GAL3ST2: variants seen among roughly 807,000 people sequenced by gnomAD.
GAL3ST2 encodes the protein galactose-3-O-sulfotransferase 2, also known as beta-galactose-3-O-sulfotransferase 2.
Under a neutral mutation model 12.9 loss-of-function variants are expected in GAL3ST2, and 16 were observed. The observed-to-expected ratio is 1.24, with a 90% confidence interval of 0.84 to 1.88. The LOEUF (loss-of-function observed/expected upper bound fraction) is 1.88. Ranked by LOEUF, GAL3ST2 falls within the 40% of genes most tolerant of loss-of-function variation. GAL3ST2 has a pLI of 0.00. For synonymous variants in GAL3ST2, 302 were observed against 273.9 expected (o/e 1.10, Z -1.01); for missense variants, 639 against 571.8 (o/e 1.12, Z -1.20).
chr2:241,783,992 T>A (rs1327892187), intron 1 of GAL3ST2, among the ~76,000 whole-genome samples: 1 of 152,188 alleles, frequency 6.6e-6, no homozygotes, highest in Middle Eastern at 3.2e-3. Flanking sequence ...TCTTACTAAA[T>A]TCAAGCTGTA....
At chr2:241,783,636 T>C (rs1299818415) in intron 1 of GAL3ST2, among the ~76,000 whole-genome samples, 1 of 152,260 alleles carries the variant, frequency 6.6e-6, no homozygotes, top group Non-Finnish European at 1.5e-5. Context: ...AATTATGACG[T>C]TTGTCTGCAA....
chr2:241,803,381 T>G lies in GAL3ST2; in HGVS notation c.412T>G (p.Ser138Ala). 6.2e-7 allele frequency: 1 copy of G among 1,610,760 alleles called. No homozygotes were observed. Among genetic ancestry groups the G allele is most frequent in the Non-Finnish European group, 8.5e-7 (1 of 1,177,952 alleles). ...KVMPNDTFYF[S>A]ILRNPVFQLE... ...CATGCCCAACGACACCTTCTACTTC[T>G]CCATCCTGAGGAACCCCGTGTTCCA... Residue 138 changes from serine (S) to alanine (A), a missense_variant, in exon 4 of 4, where the codon TCC (serine) becomes GCC (alanine). Coordinates refer to ENST00000192314, the MANE Select transcript of GAL3ST2 (RefSeq NM_022134.3).
intron 1 of GAL3ST2, among the ~76,000 whole-genome samples, chr2:241,794,092 C>G (rs764721030): frequency 6.9e-4 from 105 of 151,984 alleles, no homozygotes; most frequent in Admixed American, 1.2e-3. Context: ...GACCACAGTC[C>G]GGAGCCATCA....
At chr2:241,797,443 T>C (rs1699786326) in intron 1 of GAL3ST2, among the ~76,000 whole-genome samples, 1 of 152,266 alleles carries the variant, frequency 6.6e-6, no homozygotes, top group Non-Finnish European at 1.5e-5. Flanking sequence ...AATTCTCTTC[T>C]TCGGGATTAT....
chr2:241,789,545 A>G (rs1699671632), intron 1 of GAL3ST2, among the ~76,000 whole-genome samples: 1 of 152,240 alleles, frequency 6.6e-6, no homozygotes, highest in African/African-American at 2.4e-5. Context: ...AAGAATTTGA[A>G]AGTCTAAGAT....
At position 241,799,107 on chromosome 2, in the gene GAL3ST2, G is replaced by C. The variant is rs779519669; in HGVS notation, c.72G>C (p.Leu24=). The part of the protein sequence containing the change: ...VILLLLLALT[L]LLLAGFLHSD... Reference sequence around the variant, plus strand: ...TCCTCCTCCTCCTGGCCCTGACTCTGCTCCTGCTGGCCGGATTCCTGCACT... The same window carrying C: ...TCCTCCTCCTCCTGGCCCTGACTCTCCTCCTGCTGGCCGGATTCCTGCACT... The change falls in exon 2 of 4, where the codon CTG becomes CTC. Residue 24 remains leucine, a synonymous_variant. Coordinates refer to ENST00000192314, the MANE Select transcript of GAL3ST2 (RefSeq NM_022134.3). 1 of 1,613,638 alleles carries C rather than the reference G, an allele frequency of 6.2e-7. No individual in the cohort carries two copies. The highest frequency in any genetic ancestry group is 2.2e-5 in the East Asian group (1 of 44,890).
In GAL3ST2 at chr2:241,804,139, C is replaced by G; in HGVS notation, c.1170C>G (p.Leu390=). The part of the protein sequence containing the change: ...LYALQFPEKP[L]KNIPFLGA Reference sequence around the variant, plus strand: ...CCCTGCAGTTCCCGGAGAAGCCCCTCAAGAACATCCCGTTCCTGGGGGCGT... The same window carrying G: ...CCCTGCAGTTCCCGGAGAAGCCCCTGAAGAACATCCCGTTCCTGGGGGCGT... The change falls in exon 4 of 4, where the codon CTC becomes CTG. Residue 390 remains leucine (L), a synonymous_variant. Transcript: ENST00000192314. 1 of 1,470,580 alleles carries G rather than the reference C, an allele frequency of 6.8e-7. No individual in the cohort carries two copies. The highest frequency in any genetic ancestry group is 1.3e-5 in the South Asian group (1 of 74,890). The allele number at this position is 1,470,580 out of a possible 1,614,324, so 91.1% of individuals were successfully genotyped here.
rs1335109132 is a variant in GAL3ST2, at chr2:241,802,217, G to A, written c.375+181G>A. ...TGAGCCAACCCCTGCCCCTCCAGGC[G>A]GCCAGTCGCCTGCCGTTGCTCTTGG... is the stretch of plus-strand genomic sequence containing the variant. On this transcript the variant is annotated intron_variant, in intron 3 of 3. Coordinates refer to ENST00000192314, the MANE Select transcript of GAL3ST2 (RefSeq NM_022134.3). This position sits in a 1 kb window ranked among gnomAD's most constrained non-coding sequence, Gnocchi z 4.8. Among the ~76,000 whole-genome samples, 2 of 152,158 alleles carry A rather than the reference G, an allele frequency of 1.3e-5. No individual in the cohort carries two copies. Among genetic ancestry groups the A allele is most frequent in the Admixed American group, 6.5e-5 (1 of 15,280 alleles).
intron 1 of GAL3ST2, among the ~76,000 whole-genome samples, chr2:241,790,796 G>A (rs1699685668): frequency 6.6e-6 from 1 of 152,148 alleles, no homozygotes; most frequent in Non-Finnish European, 1.5e-5. Context: ...TTAAGAGCCA[G>A]GCACCCTTTT....
chr2:241,781,452 C>G (rs929062804), intron 1 of GAL3ST2, among the ~76,000 whole-genome samples: 1 of 152,058 alleles, frequency 6.6e-6, no homozygotes, highest in African/African-American at 2.4e-5. Context: ...GATTATAAAA[C>G]CACCGTAAAG....
In GAL3ST2 at chr2:241,778,889, T is replaced by G. The variant is rs13411441; in HGVS notation, c.29+1905T>G. ...GGCAGGTAAGAGACAAATGGTTGCA[T>G]TCTTTTGAGTTTCTGATGAGCCTCT... On this transcript the variant is annotated intron_variant, in intron 1 of 3. Coordinates refer to ENST00000192314, the MANE Select transcript of GAL3ST2 (RefSeq NM_022134.3). Among the ~76,000 whole-genome samples, 601 of 152,142 alleles carry G rather than the reference T, an allele frequency of 4.0e-3. 4 individuals are homozygous for G. The highest frequency in any genetic ancestry group is 0.013 in the African/African-American group (559 of 41,486).
rs1699723030 is a variant in GAL3ST2 at position 241,793,383 on chromosome 2, T to C, written c.30-5682T>C. 6.6e-6 allele frequency among the ~76,000 whole-genome samples: 1 copy of C among 151,896 alleles called. No homozygotes were observed. The highest frequency in any genetic ancestry group is 2.4e-5 in the African/African-American group (1 of 41,352). ...ATTGTGTGTGTATGTATGTATTGTG[T>C]ATGCATGTGTGTGTATATGTATGTA... is the stretch of plus-strand genomic sequence containing the variant. On this transcript the variant is annotated intron_variant, in intron 1 of 3. Coordinates refer to ENST00000192314, the MANE Select transcript of GAL3ST2 (RefSeq NM_022134.3). This position sits in a 1 kb window ranked among gnomAD's most constrained non-coding sequence, Gnocchi z 4.7.
At chr2:241,797,835 G>T (rs531093744) in intron 1 of GAL3ST2, among the ~76,000 whole-genome samples, 1 of 152,336 alleles carries the variant, frequency 6.6e-6, no homozygotes, top group East Asian at 1.9e-4. Context: ...CCACTGGCTT[G>T]TTGTGCTCCT....
At position 241,801,714 on chromosome 2, in the gene GAL3ST2, G is replaced by T; in HGVS notation, c.120-67G>T. 1 of 1,554,622 alleles carries T rather than the reference G, an allele frequency of 6.4e-7. No individual in the cohort carries two copies. The highest frequency in any genetic ancestry group is 8.7e-7 in the Non-Finnish European group (1 of 1,153,876). ...TCTCCTTGCGGTTGCCGGGCTGGGG[G>T]TCGCTGTTGGGCGGGGGTTGGGGCA... On this transcript the variant is annotated intron_variant, in intron 2 of 3. Coordinates refer to ENST00000192314, the MANE Select transcript of GAL3ST2 (RefSeq NM_022134.3). The surrounding 1 kb of genome is among the most constrained non-coding windows in gnomAD (Gnocchi z 4.4).
At chr2:241,799,005 G>C (rs71430387) in intron 1 of GAL3ST2, 60 bp from the exon 2 acceptor site, 12 of 1,348,160 alleles carry the variant, frequency 8.9e-6, no homozygotes, top group Non-Finnish European at 1.3e-5. Flanking sequence ...TGCAGGATGG[G>C]AGGTGGGGGT....
At position 241,801,606 on chromosome 2, in the gene GAL3ST2, G is replaced by C. The variant is rs1559418549; in HGVS notation, c.120-175G>C. On this transcript the variant is annotated intron_variant, in intron 2 of 3. Coordinates refer to ENST00000192314, the MANE Select transcript of GAL3ST2 (RefSeq NM_022134.3). The surrounding 1 kb of genome is among the most constrained non-coding windows in gnomAD (Gnocchi z 4.4). ...GGGCCACCAGCTGGGAGGTTGTGGA[G>C]TGGGGCAAGGATTGGGGCCATGGGT... The C allele has an allele frequency of 2.6e-6, 2 of 765,184 alleles. No individual in the cohort carries two copies. Among genetic ancestry groups the C allele is most frequent in the Non-Finnish European group, 4.1e-6 (2 of 488,444 alleles). 47.4% of individuals were successfully genotyped at this position (765,184 alleles called of 1,614,324 possible). A position where few individuals can be genotyped will look rare whatever the true frequency, so the allele number is the denominator to read the frequency against.
intron 1 of GAL3ST2, among the ~76,000 whole-genome samples, chr2:241,796,859 T>C (rs1180994539): frequency 6.6e-6 from 1 of 152,118 alleles, no homozygotes; most frequent in East Asian, 1.9e-4. Context: ...GGGCAGGCAC[T>C]TTGACCAGAG....
chr2:241,777,969 T>G (rs1394633679), intron 1 of GAL3ST2, among the ~76,000 whole-genome samples: 1 of 152,138 alleles, frequency 6.6e-6, no homozygotes, highest in Non-Finnish European at 1.5e-5. Context: ...CCGAAGGCCC[T>G]CGGGGAGCCC....
rs570896928 is a variant in GAL3ST2, at chr2:241,803,979, C to A, written c.1010C>A (p.Pro337Gln). Reference sequence around the variant, plus strand: ...AAGAACCACACGCAGATCAGAGACCCGCGCCTGCGCCCCTACCAGTCCGGC... The same window carrying A: ...AAGAACCACACGCAGATCAGAGACCAGCGCCTGCGCCCCTACCAGTCCGGC... ...ALKNHTQIRD[P>Q]RLRPYQSGKA... The change falls in exon 4 of 4, where the codon CCG becomes CAG. Residue 337 changes from proline to glutamine, a missense_variant. Pro to Gln is a moderately conservative substitution (Grantham distance 76, BLOSUM62 -1). Transcript: ENST00000192314. The A allele has an allele frequency of 1.3e-6, 2 of 1,544,524 alleles. No homozygotes were observed. The highest frequency in any genetic ancestry group is 2.6e-5 in the East Asian group (1 of 38,188).
Sources: allele counts gnomAD v4.1 joint callset (sites outside exome capture counted in the v4.1 genomes callset), GRCh38; gene constraint gnomAD v4.1.1; non-coding constraint Gnocchi (gnomAD v3.1); transcripts MANE v1.5; gene names NCBI Gene and HGNC (gene_info 2026-07-23, HGNC 2026-07-21).